The following SLC44A5 variants were observed in gnomAD, a reference collection of about 807,000 sequenced individuals.
The protein encoded by SLC44A5 is choline transporter-like protein 5.
A neutral mutation model predicts 101.8 loss-of-function variants in SLC44A5; 57 were observed. The observed-to-expected ratio is 0.56, with a 90% confidence interval of 0.45 to 0.70. SLC44A5 has a LOEUF of 0.70. Ranked by LOEUF, SLC44A5 falls within the 30% of genes least tolerant of loss-of-function variation. The pLI is 0.00. For missense variants in SLC44A5, 737 were observed against 853.1 expected, an observed-to-expected ratio of 0.86 and a Z score of 1.70; for synonymous variants, 281 against 290.9, an observed-to-expected ratio of 0.97 and a Z score of 0.35.
In SLC44A5 at chr1:75,275,028, C is replaced by T. The variant is rs1415473037; in HGVS notation, c.190G>A (p.Asp64Asn). ...GTAGGATAGGCTGCTCTTCTGGGGT[C>T]CCCATGTACCCAGGCTGCAGGAACA... The part of the protein sequence containing the change: ...VLGLVAWVHG[D>N]PRRAAYPTDS... The change falls in exon 6 of 24, where the codon GAC becomes AAC. Residue 64 changes from aspartate (D) to asparagine (N), a missense_variant. By Grantham distance (23) the Asp-to-Asn change is conservative. Around this residue, in one of 3 missense-constraint regions of SLC44A5, gnomAD observed 665 missense variants for 764.4 expected, o/e 0.87. Coordinates refer to ENST00000370859, the MANE Select transcript of SLC44A5 (RefSeq NM_001130058.2). The T allele has an allele frequency of 1.9e-6, 3 of 1,612,580 alleles. No individual in the cohort carries two copies. In the African/African-American group the frequency reaches 4.0e-5, roughly 22 times the overall value.
chr1:75,372,981 C>T (rs1339674261), intron 3 of SLC44A5, among the ~76,000 whole-genome samples: 4 of 152,098 alleles, frequency 2.6e-5, no homozygotes, highest in Non-Finnish European at 5.9e-5. Context: ...ATAGATTTTA[C>T]TTCAAAAAAT....
the SLC44A5 span, among the ~76,000 whole-genome samples, chr1:75,627,202 A>T: frequency 6.6e-6 from 1 of 152,062 alleles, no homozygotes; most frequent in Admixed American, 6.6e-5. Flanking sequence ...TATCTTGATT[A>T]TCTGTGTGGA....
chr1:75,323,391 G>A (rs3933668), intron 4 of SLC44A5, among the ~76,000 whole-genome samples: 13 of 151,432 alleles, frequency 8.6e-5, no homozygotes, highest in African/African-American at 2.4e-4. Flanking sequence ...GAGTAATGCC[G>A]CAATAAACAT....
At chr1:75,611,850 G>A (rs879508098), upstream of SLC44A5, among the ~76,000 whole-genome samples, 14 of 151,780 alleles carry the variant, frequency 9.2e-5, no homozygotes, top group Middle Eastern at 3.4e-3. Flanking sequence ...TTCTCCTTCT[G>A]TGGACCCCTT....
chr1:75,700,984 A>G, the SLC44A5 span, among the ~76,000 whole-genome samples: 1 of 152,222 alleles, frequency 6.6e-6, no homozygotes, highest in African/African-American at 2.4e-5. Context: ...GAATAGACCA[A>G]TAACAGGCTC....
intron 2 of SLC44A5, among the ~76,000 whole-genome samples, chr1:75,504,593 CTT>C (rs932599327): frequency 2.6e-5 from 4 of 151,874 alleles, no homozygotes; most frequent in Non-Finnish European, 4.4e-5. Context: ...AGATATATAC[CTT>C]TTCTTTTCTT....
At chr1:75,551,278 G>T (rs899427972) in intron 1 of SLC44A5, among the ~76,000 whole-genome samples, 1 of 152,056 alleles carries the variant, frequency 6.6e-6, no homozygotes, top group Non-Finnish European at 1.5e-5. Flanking sequence ...TTGACAGGGA[G>T]GGACCTGTCT....
chr1:75,362,358 A>G (rs1436803288), intron 3 of SLC44A5, among the ~76,000 whole-genome samples: 3 of 149,934 alleles, frequency 2.0e-5, no homozygotes, highest in African/African-American at 7.4e-5. Flanking sequence ...TTCTTTTCCT[A>G]CTTTTGTGAA....
intron 2 of SLC44A5, among the ~76,000 whole-genome samples, chr1:75,424,321 T>C (rs1664180222): frequency 6.6e-6 from 1 of 152,198 alleles, no homozygotes; most frequent in Non-Finnish European, 1.5e-5. Context: ...TGTTTTGTTT[T>C]TTGAGATGGA....
the SLC44A5 span, among the ~76,000 whole-genome samples, chr1:75,658,782 C>G: frequency 6.6e-6 from 1 of 151,766 alleles, no homozygotes; most frequent in African/African-American, 2.4e-5. Flanking sequence ...AATGACAGAG[C>G]AGAAATAAAT....
Position 75,351,675 on chromosome 1 carries a change from A to T in SLC44A5, c.53-12045T>A, listed in dbSNP as rs141100220. Among the ~76,000 whole-genome samples the T allele has an allele frequency of 3.1e-3, 466 of 151,838 alleles. 3 individuals are homozygous for T. In the South Asian group the frequency reaches 0.034, roughly 11 times the overall value. On this transcript the variant is annotated intron_variant, in intron 3 of 23. Coordinates refer to ENST00000370859, the MANE Select transcript of SLC44A5 (RefSeq NM_001130058.2). ...AAGATAATGTGCTTTGATGTACCCG[A>T]CTCTACAAAGATGTTCTTGAGGATG...
At chr1:75,335,363 C>A (rs1434466714) in intron 4 of SLC44A5, among the ~76,000 whole-genome samples, 1 of 152,186 alleles carries the variant, frequency 6.6e-6, no homozygotes, top group Admixed American at 6.5e-5. Flanking sequence ...AATTTAACTG[C>A]TGAGCCGAAC....
At chr1:75,581,146 T>G (rs537375012) in intron 1 of SLC44A5, among the ~76,000 whole-genome samples, 3 of 152,192 alleles carry the variant, frequency 2.0e-5, no homozygotes, top group Non-Finnish European at 4.4e-5. Flanking sequence ...ATAGCCAAAT[T>G]CAACATATAA....
intron 3 of SLC44A5, among the ~76,000 whole-genome samples, chr1:75,347,981 G>C (rs1398395800): frequency 6.6e-6 from 1 of 152,098 alleles, no homozygotes; most frequent in Non-Finnish European, 1.5e-5. Flanking sequence ...GGAAGAGAGA[G>C]TGAAAGACTA....
At chr1:75,504,194 T>C (rs1449551737) in intron 2 of SLC44A5, among the ~76,000 whole-genome samples, 1 of 152,168 alleles carries the variant, frequency 6.6e-6, no homozygotes, top group Non-Finnish European at 1.5e-5. Context: ...TCCCCAAGGT[T>C]ATCCTTATTC....
Position 75,446,212 on chromosome 1 carries a change from T to C in SLC44A5, c.14-49591A>G, listed in dbSNP as rs74883680. On this transcript the variant is annotated intron_variant, in intron 2 of 23. Transcript: ENST00000370859. The stretch of plus-strand genomic sequence containing the variant: ...CTCTTGTTCAAAACTTTCCATTTTT[T>C]TATAGCATTTTGTACAAAGTCCAGT... Among the ~76,000 whole-genome samples the C allele has an allele frequency of 9.5e-3, 1,443 of 152,262 alleles. 27 individuals are homozygous for C. The highest frequency in any genetic ancestry group is 0.033 in the African/African-American group (1,362 of 41,544).
intron 3 of SLC44A5, among the ~76,000 whole-genome samples, chr1:75,339,988 G>T (rs1362577377): frequency 6.6e-6 from 1 of 152,120 alleles, no homozygotes; most frequent in Non-Finnish European, 1.5e-5. Flanking sequence ...GTGTTGCTGA[G>T]GACTTGTGAG....
intron 3 of SLC44A5, among the ~76,000 whole-genome samples, chr1:75,389,012 A>G (rs546601740): frequency 3.9e-5 from 6 of 152,262 alleles, no homozygotes; most frequent in Non-Finnish European, 8.8e-5. Context: ...AGGAAATGAA[A>G]AAGAGCAGGA....
At position 75,240,251 on chromosome 1, in the gene SLC44A5, T is replaced by C. The variant is rs192480422; in HGVS notation, c.533-1615A>G. Among the ~76,000 whole-genome samples, 560 of 152,226 alleles carry C rather than the reference T, an allele frequency of 3.7e-3. 6 individuals are homozygous for C. The highest frequency in any genetic ancestry group is 0.012 in the African/African-American group (513 of 41,574). Reference sequence around the variant, plus strand: ...CACACAAGACATGCAATGTTTTCCCTTGTTTACTTGTTTTAACCTTACTTA... The same window carrying C: ...CACACAAGACATGCAATGTTTTCCCCTGTTTACTTGTTTTAACCTTACTTA... On this transcript the variant is annotated intron_variant, in intron 9 of 23. Transcript: ENST00000370859.
Sources: allele counts gnomAD v4.1 joint callset (sites outside exome capture counted in the v4.1 genomes callset), GRCh38; gene constraint gnomAD v4.1.1; regional missense constraint gnomAD v4.1.1; transcripts MANE v1.5; gene names NCBI Gene and HGNC (gene_info 2026-07-23, HGNC 2026-07-21).